NLGN1: variants seen among roughly 807,000 people sequenced by gnomAD.
The protein encoded by NLGN1 is neuroligin 1.
A neutral mutation model predicts 65.5 loss-of-function variants in NLGN1; 12 were observed. The observed-to-expected ratio is 0.18, with a 90% CI of 0.12 to 0.30. The LOEUF is 0.30. Ranked by LOEUF, NLGN1 falls within the 10% of genes least tolerant of loss-of-function variation. NLGN1 has a pLI of 1.00. For missense variants in NLGN1, 750 were observed against 1,007.1 expected (o/e 0.74, Z 3.46); for synonymous variants, 350 against 359.5 (o/e 0.97, Z 0.30).
Position 174,279,557 on chromosome 3 carries a change from G to C in NLGN1, c.1556G>C (p.Gly519Ala), listed in dbSNP as rs1377467282. The change falls in exon 6 of 7, where the codon GGC becomes GCC. Residue 519 changes from glycine to alanine, a missense_variant. Transcript: ENST00000457714. This position sits in a 1 kb window ranked among gnomAD's most constrained non-coding sequence, Gnocchi z 4.7. ...TATGTACTGGGAATCCCCATGATTG[G>C]CCCTACAGAGTTATTTCCTTGCAAT... 6.2e-7 allele frequency: 1 copy of C among 1,613,160 alleles called. No individual in the cohort carries two copies. Among genetic ancestry groups the C allele is most frequent in the Non-Finnish European group, 8.5e-7 (1 of 1,179,480 alleles).
At chr3:173,482,635 G>A (rs1727489235) in intron 2 of NLGN1, among the ~76,000 whole-genome samples, 1 of 151,888 alleles carries the variant, frequency 6.6e-6, no homozygotes, top group Non-Finnish European at 1.5e-5. Context: ...GGCTATTTTA[G>A]ATACAGTGGT....
intron 3 of NLGN1, among the ~76,000 whole-genome samples, chr3:173,677,335 C>T (rs1241602248): frequency 6.6e-6 from 1 of 152,024 alleles, no homozygotes; most frequent in Admixed American, 6.6e-5. Flanking sequence ...TTTCAGACAT[C>T]CAGGCTAGTA....
chr3:173,457,560 A>G (rs535031187), intron 2 of NLGN1, among the ~76,000 whole-genome samples: 1 of 152,270 alleles, frequency 6.6e-6, no homozygotes, highest in Admixed American at 6.5e-5. Flanking sequence ...AGGATTTTAA[A>G]TAAGGAAGAG....
chr3:173,522,470 G>A (rs1217322860), intron 2 of NLGN1, among the ~76,000 whole-genome samples: 1 of 152,106 alleles, frequency 6.6e-6, no homozygotes, highest in Non-Finnish European at 1.5e-5. Context: ...TTGCTCAGTC[G>A]CCCAGGCTGG....
At chr3:173,439,006 A>G (rs1718654925) in intron 2 of NLGN1, among the ~76,000 whole-genome samples, 1 of 152,198 alleles carries the variant, frequency 6.6e-6, no homozygotes, top group Admixed American at 6.5e-5. Context: ...ACTTTCTAAG[A>G]TTTCCTTGGT....
At chr3:173,664,069 C>T (rs573091380) in intron 3 of NLGN1, among the ~76,000 whole-genome samples, 4 of 151,876 alleles carry the variant, frequency 2.6e-5, no homozygotes, top group Non-Finnish European at 4.4e-5. Context: ...TATTTCTGTG[C>T]CAAAACAATA....
intron 2 of NLGN1, among the ~76,000 whole-genome samples, chr3:173,441,876 G>C (rs943305279): frequency 6.6e-6 from 1 of 152,132 alleles, no homozygotes; most frequent in Admixed American, 6.5e-5. Context: ...ATCAAACAAG[G>C]TATGCCTGTA....
At chr3:173,878,229 A>G in intron 4 of NLGN1, among the ~76,000 whole-genome samples, 1 of 152,010 alleles carries the variant, frequency 6.6e-6, no homozygotes, top group Non-Finnish European at 1.5e-5. Flanking sequence ...TTTAGTAGAA[A>G]CAGGGTTTCA....
intron 4 of NLGN1, among the ~76,000 whole-genome samples, chr3:174,212,094 C>T (rs1408909665): frequency 6.6e-6 from 1 of 152,210 alleles, no homozygotes; most frequent in Non-Finnish European, 1.5e-5. Context: ...GCATGGCGGG[C>T]TGCAGGTCCC....
chr3:173,994,346 C>T (rs1721803909), intron 4 of NLGN1, among the ~76,000 whole-genome samples: 1 of 151,692 alleles, frequency 6.6e-6, no homozygotes, highest in South Asian at 2.1e-4. Context: ...CTGCCTGCCT[C>T]AGCCCCTCAA....
chr3:174,279,760 GATATT>G lies in NLGN1; in HGVS notation c.1649+112_1649+116del. The stretch of plus-strand genomic sequence containing the variant: ...TGTCATATTGGATTAATACCTGCAA[GATATT>G]ACATTCCTTTATTCAAAATTAATTC... On this transcript the variant is annotated intron_variant, in intron 6 of 6. Coordinates refer to ENST00000457714, the Ensembl canonical transcript of NLGN1. The surrounding 1 kb of genome is among the most constrained non-coding windows in gnomAD (Gnocchi z 4.7). 1 of 636,022 alleles carries G rather than the reference GATATT, an allele frequency of 1.6e-6. No individual in the cohort carries two copies. The highest frequency in any genetic ancestry group is 2.7e-6 in the Non-Finnish European group (1 of 369,312). The allele number at this position is 636,022 out of a possible 1,614,324, so 39.4% of individuals were successfully genotyped here.
intron 3 of NLGN1, among the ~76,000 whole-genome samples, chr3:173,621,603 A>G (rs1170585499): frequency 6.6e-6 from 1 of 151,958 alleles, no homozygotes; most frequent in African/African-American, 2.4e-5. Context: ...AGGAAAGGAG[A>G]CTAGATATGG....
intron 4 of NLGN1, among the ~76,000 whole-genome samples, chr3:173,910,236 G>T (rs1259623755): frequency 6.6e-6 from 1 of 152,132 alleles, no homozygotes; most frequent in East Asian, 1.9e-4. Context: ...TGCTTCATCA[G>T]AACTGGGATG....
chr3:174,208,966 C>A (rs1230348393), intron 4 of NLGN1, among the ~76,000 whole-genome samples: 2 of 152,070 alleles, frequency 1.3e-5, no homozygotes, highest in Non-Finnish European at 2.9e-5. Context: ...TTCTGTTGCC[C>A]AGGCTGGAGT....
In NLGN1 at chr3:173,435,657, A is replaced by C. The variant is rs142399857; in HGVS notation, c.-321+579A>C. Among the ~76,000 whole-genome samples, 36 of 152,310 alleles carry C rather than the reference A, an allele frequency of 2.4e-4. No homozygotes were observed. In the East Asian group the frequency reaches 7.0e-3, roughly 29 times the overall value. ...CAAGACCATCCTAGCCAACATGGTGAAACCTTATCTCTACTAAAAATACAA... is the reference window on the plus strand; with the variant it reads ...CAAGACCATCCTAGCCAACATGGTGCAACCTTATCTCTACTAAAAATACAA... On this transcript the variant is annotated intron_variant, in intron 2 of 6. Coordinates refer to ENST00000457714, the Ensembl canonical transcript of NLGN1.
intron 3 of NLGN1, 125 bp from the exon 4 acceptor site, chr3:173,807,555 A>G: frequency 9.7e-7 from 1 of 1,031,746 alleles, no homozygotes; most frequent in South Asian, 1.8e-5. Flanking sequence ...CACTTTAATA[A>G]AAACAGCAGT....
chr3:174,166,875 T>C (rs1727594844), intron 4 of NLGN1, among the ~76,000 whole-genome samples: 1 of 152,054 alleles, frequency 6.6e-6, no homozygotes, highest in African/African-American at 2.4e-5. Flanking sequence ...TGGTTGGGTG[T>C]GTAGATATTT....
chr3:174,176,945 TAA>T (rs998298523), intron 4 of NLGN1, among the ~76,000 whole-genome samples: 20 of 152,070 alleles, frequency 1.3e-4, no homozygotes, highest in African/African-American at 4.8e-4. Flanking sequence ...TGTGCAGTGC[TAA>T]GTTGTGTAGA....
chr3:173,735,725 C>T (rs576263132), intron 3 of NLGN1, among the ~76,000 whole-genome samples: 3 of 152,054 alleles, frequency 2.0e-5, no homozygotes, highest in Admixed American at 6.6e-5. Flanking sequence ...TAATTTTCTG[C>T]CTAGGGTCTT....
Sources: allele counts gnomAD v4.1 joint callset (sites outside exome capture counted in the v4.1 genomes callset), GRCh38; gene constraint gnomAD v4.1.1; non-coding constraint Gnocchi (gnomAD v3.1); transcripts MANE v1.5; gene names NCBI Gene and HGNC (gene_info 2026-07-23, HGNC 2026-07-21).